Variants in IL21R observed in about 807,000 individuals in gnomAD.
The protein encoded by IL21R is interleukin-21 receptor.
A neutral mutation model predicts 41.3 loss-of-function variants in IL21R; 14 were observed. The observed-to-expected ratio is 0.34, with a 90% CI of 0.22 to 0.53. The LOEUF (loss-of-function observed/expected upper bound fraction) is 0.53, where lower values mean the gene tolerates loss of function less well. IL21R is among the 20% of genes least tolerant of loss of function. The pLI is 0.94. For synonymous variants in IL21R, 286 were observed against 287.6 expected (o/e 0.99, Z 0.05); for missense variants, 588 against 681.6 (o/e 0.86, Z 1.53).
chr16:27,420,690 A>G (rs2086985483), intron 1 of IL21R, among the ~76,000 whole-genome samples: 1 of 152,178 alleles, frequency 6.6e-6, no homozygotes, highest in Admixed American at 6.5e-5. Flanking sequence ...AATTCTTTGC[A>G]TATTCTAAAT....
chr16:27,418,529 C>T lies in IL21R; in HGVS notation c.-16-11527C>T, dbSNP rs138336513. Among the ~76,000 whole-genome samples, 11 of 152,052 alleles carry T rather than the reference C, an allele frequency of 7.2e-5. No homozygotes were observed. The South Asian group carries it at 1.0e-3, about 14-fold the overall frequency. The stretch of plus-strand genomic sequence containing the variant: ...GACTACAGGTGCGCGCCACCACGCT[C>T]GGCTAATTTTTTTGGTATTTTTAGT... On this transcript the variant is annotated intron_variant, in intron 1 of 8. Coordinates refer to ENST00000337929, the MANE Select transcript of IL21R (RefSeq NM_181078.3).
intron 1 of IL21R, among the ~76,000 whole-genome samples, chr16:27,409,310 C>A (rs1162325597): frequency 6.8e-6 from 1 of 146,236 alleles, no homozygotes; most frequent in Non-Finnish European, 1.5e-5. Flanking sequence ...TTCCCTCTTC[C>A]TCTTTCAGTT....
At chr16:27,405,174 A>G (rs1485984576) in intron 1 of IL21R, among the ~76,000 whole-genome samples, 1 of 152,014 alleles carries the variant, frequency 6.6e-6, no homozygotes, top group Admixed American at 6.6e-5. Context: ...CTGGGACTAC[A>G]GGCACCTGCC....
chr16:27,415,643 A>G (rs1471762089), intron 1 of IL21R, among the ~76,000 whole-genome samples: 1 of 152,218 alleles, frequency 6.6e-6, no homozygotes, highest in African/African-American at 2.4e-5. Context: ...GCTCCTGCTC[A>G]TTCTTCTCAT....
chr16:27,448,178 G>A, intron 8 of IL21R: 1 of 220,010 alleles, frequency 4.5e-6, no homozygotes, highest in Non-Finnish European at 9.1e-6. Flanking sequence ...ACCTTGGCTG[G>A]GCACAGTGAC....
intron 1 of IL21R, among the ~76,000 whole-genome samples, chr16:27,423,186 T>A (rs929427839): frequency 5.3e-5 from 8 of 152,164 alleles, no homozygotes; most frequent in Non-Finnish European, 1.0e-4. Context: ...TTTCAATGCA[T>A]TTTTCCTCTC....
chr16:27,445,478 A>T (rs1375559623), intron 7 of IL21R, among the ~76,000 whole-genome samples: 1 of 152,200 alleles, frequency 6.6e-6, no homozygotes, highest in African/African-American at 2.4e-5. Context: ...AGCTTGAGAC[A>T]CTGCAGTTGC....
chr16:27,423,042 C>T (rs2087021247), intron 1 of IL21R, among the ~76,000 whole-genome samples: 1 of 152,156 alleles, frequency 6.6e-6, no homozygotes, highest in African/African-American at 2.4e-5. Context: ...TAATTCTTCC[C>T]TCAGCTTGTA....
intron 1 of IL21R, chr16:27,403,111 AT>A: frequency 1.4e-6 from 1 of 703,654 alleles, no homozygotes. Flanking sequence ...AGGTAGAGTG[AT>A]TTTCCCTCGG....
rs1048904315 is a variant in IL21R, at chr16:27,450,171, C to T, written c.*888C>T. On this transcript the variant is annotated 3_prime_UTR_variant, in exon 9 of 9. Transcript: ENST00000337929. ...GCCGTCCCGCCTGCAGAGGGCCACT[C>T]GGGGGGGTTTCCAGGCTTAAAATCA... 40 of 232,802 alleles carry T rather than the reference C, an allele frequency of 1.7e-4. No homozygotes were observed. Among genetic ancestry groups the T allele is most frequent in the Non-Finnish European group, 1.5e-4 (18 of 117,826 alleles). The allele number at this position is 232,802 out of a possible 1,614,324, so 14.4% of individuals were successfully genotyped here.
At position 27,444,631 on chromosome 16, in the gene IL21R, G is replaced by A; in HGVS notation, c.597G>A (p.Gln199=). Residue 199 remains glutamine, a synonymous_variant, in exon 6 of 9, where the codon CAG becomes CAA. Coordinates refer to ENST00000337929, the MANE Select transcript of IL21R (RefSeq NM_181078.3). ...EFRKDSSYEL[Q]VRAGPMPGSS... is the part of the protein sequence containing the mutation. Reference sequence around the variant, plus strand: ...GCAAAGACTCGAGCTATGAGCTGCAGGTGCGGGCAGGGCCCATGCCTGGCT... The same window carrying A: ...GCAAAGACTCGAGCTATGAGCTGCAAGTGCGGGCAGGGCCCATGCCTGGCT... 1 of 1,591,090 alleles carries A rather than the reference G, an allele frequency of 6.3e-7. No homozygotes were observed. Among genetic ancestry groups the A allele is most frequent in the Non-Finnish European group, 8.6e-7 (1 of 1,168,864 alleles).
intron 4 of IL21R, 58 bp downstream of exon 4, chr16:27,437,745 C>T: frequency 1.4e-6 from 2 of 1,409,450 alleles, no homozygotes; most frequent in Non-Finnish European, 2.0e-6. Flanking sequence ...CACCGCAGCC[C>T]TGACCTCTCT....
chr16:27,406,406 G>C (rs955690529), intron 1 of IL21R, among the ~76,000 whole-genome samples: 1 of 152,068 alleles, frequency 6.6e-6, no homozygotes, highest in Non-Finnish European at 1.5e-5. Flanking sequence ...GGTGGGGAGT[G>C]GGGGGTGCGG....
rs1437756783 is a variant in IL21R, at chr16:27,450,163, G to A, written c.*880G>A. The A allele has an allele frequency of 8.6e-6, 2 of 232,964 alleles. No individual in the cohort carries two copies. The highest frequency in any genetic ancestry group is 1.7e-5 in the Non-Finnish European group (2 of 117,924). The allele number at this position is 232,964 out of a possible 1,614,324, so 14.4% of individuals were successfully genotyped here. On this transcript the variant is annotated 3_prime_UTR_variant, in exon 9 of 9. Coordinates refer to ENST00000337929, the MANE Select transcript of IL21R (RefSeq NM_181078.3). ...CCCGCGGGGCCGTCCCGCCTGCAGA[G>A]GGCCACTCGGGGGGGTTTCCAGGCT... is the stretch of plus-strand genomic sequence containing the variant.
chr16:27,446,045 G>T lies in IL21R; in HGVS notation c.824G>T (p.Arg275Leu), dbSNP rs52822694. Residue 275 changes from arginine (R) to leucine (L), a missense_variant, in exon 8 of 9, where the codon CGG (arginine) becomes CTG (leucine). Transcript: ENST00000337929. ...KKIWAVPSPE[R>L]FFMPLYKGCS... ...ATATGGGCCGTCCCCAGCCCTGAGC[G>T]GTTCTTCATGCCCCTGTACAAGGGC... The T allele has an allele frequency of 1.9e-6, 3 of 1,613,542 alleles. No individual in the cohort carries two copies. The African/African-American group carries it at 4.0e-5, about 22-fold the overall frequency.
At chr16:27,410,660 C>CG (rs1345197037) in intron 1 of IL21R, among the ~76,000 whole-genome samples, 3 of 152,110 alleles carry the variant, frequency 2.0e-5, no homozygotes, top group Non-Finnish European at 4.4e-5. Flanking sequence ...TATAGTGTCC[C>CG]GGGTTTGGAT....
intron 1 of IL21R, among the ~76,000 whole-genome samples, chr16:27,429,795 A>G (rs1315960525): frequency 1.3e-5 from 2 of 152,204 alleles, no homozygotes; most frequent in African/African-American, 4.8e-5. Context: ...AAATAAAATA[A>G]TAAAACAAAT....
At position 27,448,700 on chromosome 16, in the gene IL21R, G is replaced by A. The variant is rs759242116; in HGVS notation, c.1034G>A (p.Gly345Asp). ...QEPAELVESD[G>D]VPKPSFWPTA... ...CCAGCAGAGCTGGTGGAGTCTGACGGTGTGCCCAAGCCCAGCTTCTGGCCG... is the reference window on the plus strand; with the variant it reads ...CCAGCAGAGCTGGTGGAGTCTGACGATGTGCCCAAGCCCAGCTTCTGGCCG... The change falls in exon 9 of 9, where the codon GGT becomes GAT. Residue 345 changes from glycine (G) to aspartate (D), a missense_variant. Physicochemically the swap from Gly to Asp is moderately conservative, Grantham distance 94 (BLOSUM62 -1). Coordinates refer to ENST00000337929, the MANE Select transcript of IL21R (RefSeq NM_181078.3). 1.8e-5 allele frequency: 29 copies of A among 1,613,140 alleles called. 2 individuals are homozygous for A. The South Asian group carries it at 2.0e-4, about 11-fold the overall frequency.
intron 1 of IL21R, among the ~76,000 whole-genome samples, chr16:27,410,621 C>A (rs75360906): frequency 0.014 from 2,059 of 152,284 alleles, 39 homozygotes; most frequent in African/African-American, 0.047. Flanking sequence ...CTTTGCTAAT[C>A]TAACAAGAGA....
Sources: gnomAD v4.1 joint callset for allele counts (sites outside exome capture counted in the v4.1 genomes callset) on GRCh38, gnomAD v4.1.1 for gene constraint, MANE v1.5 for transcripts, NCBI Gene and HGNC (gene_info 2026-07-23, HGNC 2026-07-21) for gene names.